The following MAP3K4 variants were observed in gnomAD, a reference collection of about 807,000 sequenced individuals.
The protein encoded by MAP3K4 is mitogen-activated protein kinase kinase kinase 4, also known as MAP three kinase 1.
A neutral mutation model predicts 185.6 loss-of-function variants in MAP3K4; 67 were observed. The observed-to-expected ratio is 0.36, with a 90% CI of 0.30 to 0.44. The LOEUF (loss-of-function observed/expected upper bound fraction) is 0.44, where lower values mean the gene tolerates loss of function less well. Ranked by LOEUF, MAP3K4 falls within the 20% of genes least tolerant of loss-of-function variation. MAP3K4 has a pLI of 1.00. For missense variants in MAP3K4, 1,551 were observed against 1,995.1 expected (o/e 0.78, Z 4.24); for synonymous variants, 702 against 710.4 (o/e 0.99, Z 0.19).
chr6:161,053,416 A>T lies in MAP3K4; in HGVS notation c.1707+3437A>T, dbSNP rs1784092131. Among the ~76,000 whole-genome samples, 1 of 152,230 alleles carries T rather than the reference A, an allele frequency of 6.6e-6. No individual in the cohort carries two copies. The stretch of plus-strand genomic sequence containing the variant: ...GTAAAATGCTCTACAAATCAACCAT[A>T]AACTTTTAGAAGTTTTATTACTTTT... On this transcript the variant is annotated intron_variant, in intron 3 of 26. Transcript: ENST00000392142. The surrounding 1 kb of genome is among the most constrained non-coding windows in gnomAD (Gnocchi z 4.2).
Position 161,098,248 on chromosome 6 carries a change from G to T in MAP3K4, c.3525-30G>T. 6.3e-7 allele frequency: 1 copy of T among 1,595,760 alleles called. No individual in the cohort carries two copies. On this transcript the variant is annotated intron_variant, in intron 16 of 26. Transcript: ENST00000392142. This position sits in a 1 kb window ranked among gnomAD's most constrained non-coding sequence, Gnocchi z 4.4. ...TCAAGTCCGTTCCCTCTTCTCACATGTGTTCCTGAAGCTTTTCTTCTTGTC... is the reference window on the plus strand; with the variant it reads ...TCAAGTCCGTTCCCTCTTCTCACATTTGTTCCTGAAGCTTTTCTTCTTGTC...
Position 161,101,890 on chromosome 6 carries a change from A to G in MAP3K4, c.3675-2A>G. 1 of 1,610,462 alleles carries G rather than the reference A, an allele frequency of 6.2e-7. No individual in the cohort carries two copies. Among genetic ancestry groups the G allele is most frequent in the Non-Finnish European group, 8.5e-7 (1 of 1,176,932 alleles). ...GCTCAATTATTAAAAATATTAAAACAGGGGTTCCAGCGTTCCTGAAAATGA... is the reference window on the plus strand; with the variant it reads ...GCTCAATTATTAAAAATATTAAAACGGGGGTTCCAGCGTTCCTGAAAATGA... On this transcript the variant is annotated splice_acceptor_variant, in intron 17 of 26. Transcript: ENST00000392142. LOFTEE classifies it high-confidence loss of function. The surrounding 1 kb of genome is among the most constrained non-coding windows in gnomAD (Gnocchi z 5.1).
chr6:160,997,891 G>C (rs543150234), intron 1 of MAP3K4, among the ~76,000 whole-genome samples: 80 of 152,256 alleles, frequency 5.3e-4, no homozygotes, highest in African/African-American at 1.9e-3. Flanking sequence ...GCATTTTACT[G>C]AAGTATAGGC....
Position 161,102,851 on chromosome 6 carries a change from T to G in MAP3K4, c.3856+72T>G. Reference sequence around the variant, plus strand: ...ACGATTACACATAAGGGGAGCAGTTTCAGGTAAAACTTGATTTAGCTTCTG... The same window carrying G: ...ACGATTACACATAAGGGGAGCAGTTGCAGGTAAAACTTGATTTAGCTTCTG... On this transcript the variant is annotated intron_variant, in intron 19 of 26. Coordinates refer to ENST00000392142, the MANE Select transcript of MAP3K4 (RefSeq NM_005922.4). 2.8e-6 allele frequency: 3 copies of G among 1,060,524 alleles called. No individual in the cohort carries two copies. In the South Asian group the frequency reaches 5.2e-5, roughly 19 times the overall value. The allele number at this position is 1,060,524 out of a possible 1,614,324, so 65.7% of individuals were successfully genotyped here. A position where few individuals can be genotyped will look rare whatever the true frequency, so the allele number is the denominator to read the frequency against.
At chr6:161,044,024 A>T (rs1583158821) in intron 2 of MAP3K4, among the ~76,000 whole-genome samples, 1 of 152,250 alleles carries the variant, frequency 6.6e-6, no homozygotes, top group East Asian at 1.9e-4. Flanking sequence ...TATCCGTCAG[A>T]TGAACCATAT....
At position 161,051,794 on chromosome 6, in the gene MAP3K4, C is replaced by T. The variant is rs1784013942; in HGVS notation, c.1707+1815C>T. Among the ~76,000 whole-genome samples the T allele has an allele frequency of 6.6e-6, 1 of 152,046 alleles. No individual in the cohort carries two copies. The highest frequency in any genetic ancestry group is 1.5e-5 in the Non-Finnish European group (1 of 68,012). Reference sequence around the variant, plus strand: ...ATCATCTATAGATTACTTATAATACCTAATACAATGTAAATGCTGTGTAAA... The same window carrying T: ...ATCATCTATAGATTACTTATAATACTTAATACAATGTAAATGCTGTGTAAA... On this transcript the variant is annotated intron_variant, in intron 3 of 26. Coordinates refer to ENST00000392142, the MANE Select transcript of MAP3K4 (RefSeq NM_005922.4). This position sits in a 1 kb window ranked among gnomAD's most constrained non-coding sequence, Gnocchi z 4.2.
At chr6:160,994,423 A>G (rs1259455594) in intron 1 of MAP3K4, among the ~76,000 whole-genome samples, 3 of 152,166 alleles carry the variant, frequency 2.0e-5, no homozygotes, top group Admixed American at 2.0e-4. Flanking sequence ...CACTTAGAGT[A>G]ATGGCCTCCA....
intron 1 of MAP3K4, among the ~76,000 whole-genome samples, chr6:160,997,220 C>T (rs1415229706): frequency 6.6e-6 from 1 of 152,070 alleles, no homozygotes; most frequent in South Asian, 2.1e-4. Flanking sequence ...TTATTGTCTC[C>T]ATCCCCCACC....
intron 1 of MAP3K4, among the ~76,000 whole-genome samples, chr6:161,032,898 A>G (rs1487019143): frequency 3.3e-5 from 5 of 152,294 alleles, no homozygotes; most frequent in Admixed American, 1.3e-4. Context: ...TTAGGAGCAC[A>G]TGTGTACTCT....
intron 1 of MAP3K4, among the ~76,000 whole-genome samples, chr6:161,031,819 A>T (rs1782943454): frequency 6.6e-6 from 1 of 152,214 alleles, no homozygotes; most frequent in Admixed American, 6.5e-5. Flanking sequence ...TCTTAGAAAG[A>T]TTCAATAATG....
chr6:160,993,698 T>C (rs1160279359), intron 1 of MAP3K4, among the ~76,000 whole-genome samples: 1 of 149,758 alleles, frequency 6.7e-6, no homozygotes, highest in East Asian at 2.0e-4. Flanking sequence ...GGCAGAGAAA[T>C]GAAAATGTGC....
In MAP3K4 at chr6:161,084,123, A is replaced by C. The variant is rs1330624104; in HGVS notation, c.2256-378A>C. ...CTATACAAAGCTAATTGTGGGGGAA[A>C]TTTGTAAAAACAGTTGAATTTAAGG... On this transcript the variant is annotated intron_variant, in intron 6 of 26. Transcript: ENST00000392142. The surrounding 1 kb of genome is among the most constrained non-coding windows in gnomAD (Gnocchi z 4.6). Among the ~76,000 whole-genome samples the C allele has an allele frequency of 2.0e-5, 3 of 152,258 alleles. No homozygotes were observed. Among genetic ancestry groups the C allele is most frequent in the Non-Finnish European group, 4.4e-5 (3 of 68,050 alleles).
rs1341098796 is a variant in MAP3K4 at position 161,043,778 on chromosome 6, T to C, written c.344-4838T>C. On this transcript the variant is annotated intron_variant, in intron 2 of 26. Transcript: ENST00000392142. The surrounding 1 kb of genome is among the most constrained non-coding windows in gnomAD (Gnocchi z 4.3). Reference sequence around the variant, plus strand: ...AGATGATCTCTAAGTCCCTTCAGGTTGCTGACTTGTCTGGTATTCTAGTTC... The same window carrying C: ...AGATGATCTCTAAGTCCCTTCAGGTCGCTGACTTGTCTGGTATTCTAGTTC... Among the ~76,000 whole-genome samples the C allele has an allele frequency of 2.0e-5, 3 of 152,218 alleles. No homozygotes were observed. The highest frequency in any genetic ancestry group is 1.9e-4 in the East Asian group (1 of 5,194).
chr6:161,093,077 T>C lies in MAP3K4; in HGVS notation c.3348+21T>C. 2 of 1,538,350 alleles carry C rather than the reference T, an allele frequency of 1.3e-6. No homozygotes were observed. The highest frequency in any genetic ancestry group is 1.8e-6 in the Non-Finnish European group (2 of 1,116,484). ...TCTTGGTATGGATTATTCTAAAGTT[T>C]TTTTCATTATAAAATAAGCCAGTCA... On this transcript the variant is annotated intron_variant, in intron 14 of 26. Coordinates refer to ENST00000392142, the MANE Select transcript of MAP3K4 (RefSeq NM_005922.4). This position sits in a 1 kb window ranked among gnomAD's most constrained non-coding sequence, Gnocchi z 5.2.
Position 161,107,203 on chromosome 6 carries a change from GT to G in MAP3K4, c.4048+499del, listed in dbSNP as rs1213847405. Among the ~76,000 whole-genome samples the G allele has an allele frequency of 6.6e-6, 1 of 152,116 alleles. No individual in the cohort carries two copies. Among genetic ancestry groups the G allele is most frequent in the African/African-American group, 2.4e-5 (1 of 41,412 alleles). On this transcript the variant is annotated intron_variant, in intron 20 of 26. Coordinates refer to ENST00000392142, the MANE Select transcript of MAP3K4 (RefSeq NM_005922.4). This position sits in a 1 kb window ranked among gnomAD's most constrained non-coding sequence, Gnocchi z 6.2. ...TTCATGTAAAATAGTCGTAAATTAT[GT>G]GAGGGAAGAAGTCTTGTGTTTCAGA...
In MAP3K4 at chr6:161,034,436, G is replaced by T; in HGVS notation, c.330G>T (p.Arg110=). The T allele has an allele frequency of 1.2e-6, 2 of 1,613,762 alleles. No homozygotes were observed. The highest frequency in any genetic ancestry group is 1.7e-6 in the Non-Finnish European group (2 of 1,179,746). The change falls in exon 2 of 27, where the codon CGG becomes CGT. Residue 110 remains arginine (R), a synonymous_variant. Coordinates refer to ENST00000392142, the MANE Select transcript of MAP3K4 (RefSeq NM_005922.4). This position sits in a 1 kb window ranked among gnomAD's most constrained non-coding sequence, Gnocchi z 4.4. ...ATAATGTGGGGAGGCCAGCCAGTCG[G>T]TCTAATTTGAAAGGTGAGTCTTGTA... ...QRNNVGRPAS[R]SNLKEKMNAP...
chr6:161,066,818 C>T (rs1784734104), intron 3 of MAP3K4, among the ~76,000 whole-genome samples: 2 of 152,194 alleles, frequency 1.3e-5, no homozygotes, highest in Admixed American at 1.3e-4. Context: ...TGTGGTCTTG[C>T]ACTTTTTTGA....
chr6:160,999,186 G>C (rs546763198), intron 1 of MAP3K4, among the ~76,000 whole-genome samples: 51 of 152,334 alleles, frequency 3.3e-4, no homozygotes, highest in African/African-American at 1.2e-3. Context: ...TTTTGTGTGT[G>C]AGCAGGCTAT....
At chr6:161,025,466 C>T (rs1782601917) in intron 1 of MAP3K4, among the ~76,000 whole-genome samples, 1 of 152,152 alleles carries the variant, frequency 6.6e-6, no homozygotes, top group South Asian at 2.1e-4. Flanking sequence ...GCTCATATTT[C>T]CTTGTTTTAT....
Sources: gnomAD v4.1 joint callset for allele counts (sites outside exome capture counted in the v4.1 genomes callset) on GRCh38, gnomAD v4.1.1 for gene constraint, Gnocchi (gnomAD v3.1) non-coding constraint, MANE v1.5 for transcripts, NCBI Gene and HGNC (gene_info 2026-07-23, HGNC 2026-07-21) for gene names.